The following GSTCD variants were observed in gnomAD, a reference collection of about 807,000 sequenced individuals.
GSTCD encodes glutathione S-transferase C-terminal domain containing.
In GSTCD, 44 loss-of-function variants were observed where a neutral mutation model predicts 68.3. The observed-to-expected ratio is 0.64, with a 90% confidence interval of 0.51 to 0.83. The LOEUF (loss-of-function observed/expected upper bound fraction) is 0.83, where lower values mean the gene tolerates loss of function less well. Among genes scored for constraint, GSTCD ranks in the 40% least tolerant of loss-of-function variants. GSTCD has a pLI of 0.00. For synonymous variants in GSTCD, 273 were observed against 255.2 expected, an observed-to-expected ratio of 1.07 and a Z score of -0.67; for missense variants, 739 against 735.9, an observed-to-expected ratio of 1.00 and a Z score of -0.05.
At chr4:105,811,770 G>T (rs941946526) in intron 5 of GSTCD, among the ~76,000 whole-genome samples, 1 of 152,120 alleles carries the variant, frequency 6.6e-6, no homozygotes, top group African/African-American at 2.4e-5. Context: ...GAACACATTT[G>T]CATTTTAGAA....
intron 5 of GSTCD, among the ~76,000 whole-genome samples, chr4:105,809,585 G>A (rs565602303): frequency 9.4e-4 from 143 of 151,922 alleles, no homozygotes; most frequent in Non-Finnish European, 1.9e-3. Flanking sequence ...TGTTTTGTGT[G>A]TATCACCTAT....
chr4:105,825,119 GGTTGGTTGGTTGGTTT>G (rs1560848848), intron 7 of GSTCD, among the ~76,000 whole-genome samples: 2 of 150,192 alleles, frequency 1.3e-5, no homozygotes, highest in African/African-American at 5.0e-5. Flanking sequence ...TTGGTTGGTT[GGTTGGTTGGTTGGTTT>G]GTTTGTTTGT....
Position 105,728,780 on chromosome 4 carries a change from C to G in GSTCD, c.1147-626C>G, listed in dbSNP as rs79620456. Among the ~76,000 whole-genome samples the G allele has an allele frequency of 3.2e-3, 492 of 152,002 alleles. 2 individuals are homozygous for G. Among genetic ancestry groups the G allele is most frequent in the African/African-American group, 0.011 (469 of 41,434 alleles). On this transcript the variant is annotated intron_variant, in intron 4 of 11. Coordinates refer to ENST00000515279, the MANE Select transcript of GSTCD (RefSeq NM_001370181.1). The stretch of plus-strand genomic sequence containing the variant: ...TCCATGTGTATGCCATGCCACTGTA[C>G]GTAGATCAAATAAACAAATGTACAG...
chr4:105,756,272 A>T (rs1734186119), intron 5 of GSTCD, among the ~76,000 whole-genome samples: 1 of 151,976 alleles, frequency 6.6e-6, no homozygotes, highest in Non-Finnish European at 1.5e-5. Context: ...AACATGATTG[A>T]TTATTAATTC....
In GSTCD at chr4:105,760,185, A is replaced by AG. The variant is rs1553960560; in HGVS notation, c.1240+30686_1240+30687insG. ...AAATAGGCAAAAAAAAAAAAAAAAA[A>AG]AGAGAGAATTCAAGTATAAAATACA... is the stretch of plus-strand genomic sequence containing the variant. On this transcript the variant is annotated intron_variant, in intron 5 of 11. Transcript: ENST00000515279. 5.4e-3 allele frequency among the ~76,000 whole-genome samples: 813 copies of AG among 150,934 alleles called. 8 individuals are homozygous for AG. Among genetic ancestry groups the AG allele is most frequent in the African/African-American group, 0.019 (768 of 40,586 alleles).
At chr4:105,741,363 T>C (rs181799525) in intron 5 of GSTCD, among the ~76,000 whole-genome samples, 1 of 152,342 alleles carries the variant, frequency 6.6e-6, no homozygotes, top group African/African-American at 2.4e-5. Context: ...GTTTTAATTT[T>C]ACATATTTTC....
chr4:105,747,843 G>C (rs1328002916), intron 5 of GSTCD, among the ~76,000 whole-genome samples: 1 of 151,408 alleles, frequency 6.6e-6, no homozygotes, highest in East Asian at 1.9e-4. Flanking sequence ...TAGCACGTTT[G>C]TTTTCTTAAC....
intron 5 of GSTCD, among the ~76,000 whole-genome samples, chr4:105,755,011 G>A (rs184298822): frequency 1.5e-5 from 2 of 131,664 alleles, no homozygotes; most frequent in Non-Finnish European, 3.1e-5. Context: ...CTTGTGTCCA[G>A]GAGTTCAAGA....
intron 5 of GSTCD, among the ~76,000 whole-genome samples, chr4:105,740,157 C>A (rs552066051): frequency 6.6e-6 from 1 of 151,890 alleles, no homozygotes; most frequent in African/African-American, 2.4e-5. Flanking sequence ...CCACGTAGGC[C>A]CCAGGGTGCA....
Position 105,756,600 on chromosome 4 carries a change from AT to A in GSTCD, c.1240+27102del, listed in dbSNP as rs397994848. Among the ~76,000 whole-genome samples the A allele has an allele frequency of 1.6e-4, 24 of 150,152 alleles. No individual in the cohort carries two copies. The East Asian group carries it at 4.5e-3, about 28-fold the overall frequency. ...TGTGTGTATATATATATATATATAT[AT>A]AATATGTCTTATTATTTCACCGATT... On this transcript the variant is annotated intron_variant, in intron 5 of 11. Transcript: ENST00000515279.
intron 7 of GSTCD, 106 bp downstream of exon 7, chr4:105,823,381 C>A: frequency 1.2e-6 from 1 of 845,264 alleles, no homozygotes; most frequent in South Asian, 1.5e-5. Context: ...TCACCCAAGT[C>A]AAATATGTGG....
intron 5 of GSTCD, among the ~76,000 whole-genome samples, chr4:105,796,211 G>C (rs1201344141): frequency 1.3e-5 from 2 of 152,330 alleles, no homozygotes; most frequent in East Asian, 3.9e-4. Context: ...AAGAGAGAGA[G>C]AGCGAGCTTG....
chr4:105,749,594 T>C (rs1733936313), intron 5 of GSTCD, among the ~76,000 whole-genome samples: 6 of 150,162 alleles, frequency 4.0e-5, no homozygotes, highest in Admixed American at 2.6e-4. Flanking sequence ...GCTCTATCAA[T>C]TGAACATCCA....
chr4:105,770,691 A>G (rs898704718), intron 5 of GSTCD, among the ~76,000 whole-genome samples: 2 of 152,162 alleles, frequency 1.3e-5, no homozygotes, highest in Non-Finnish European at 2.9e-5. Flanking sequence ...GTCCCTGCAA[A>G]GGACATGAAC....
At chr4:105,724,789 G>T (rs1018770420) in intron 3 of GSTCD, among the ~76,000 whole-genome samples, 1 of 151,936 alleles carries the variant, frequency 6.6e-6, no homozygotes, top group Non-Finnish European at 1.5e-5. Flanking sequence ...CATTATTTGT[G>T]TTGAGGAATT....
intron 5 of GSTCD, among the ~76,000 whole-genome samples, chr4:105,763,846 T>C (rs1173808395): frequency 1.3e-5 from 2 of 152,112 alleles, no homozygotes; most frequent in Admixed American, 6.6e-5. Context: ...AATCAAAAAA[T>C]ACATGTTTAG....
intron 3 of GSTCD, among the ~76,000 whole-genome samples, chr4:105,724,907 A>G (rs1732980943): frequency 6.6e-6 from 1 of 151,988 alleles, no homozygotes; most frequent in Admixed American, 6.6e-5. Context: ...AACTCTCTAT[A>G]TGCAGTGTGT....
At chr4:105,732,263 A>G (rs1304026601) in intron 5 of GSTCD, among the ~76,000 whole-genome samples, 1 of 152,194 alleles carries the variant, frequency 6.6e-6, no homozygotes, top group Non-Finnish European at 1.5e-5. Flanking sequence ...TTCAGAAGGA[A>G]TGGTACCAGC....
At chr4:105,726,898 C>G (rs901430808) in intron 4 of GSTCD, 68 bp downstream of exon 4, 2 of 1,212,984 alleles carry the variant, frequency 1.6e-6, no homozygotes, top group Admixed American at 4.9e-5. Flanking sequence ...TCTACTCCAA[C>G]TTGTAATCAT....
Sources: allele counts gnomAD v4.1 joint callset (sites outside exome capture counted in the v4.1 genomes callset), GRCh38; gene constraint gnomAD v4.1.1; transcripts MANE v1.5; gene names NCBI Gene and HGNC (gene_info 2026-07-23, HGNC 2026-07-21).